The following ESYT1 variants were observed in gnomAD, a reference collection of about 807,000 sequenced individuals.
ESYT1 encodes extended synaptotagmin 1.
In ESYT1, 116 loss-of-function variants were observed where a neutral mutation model predicts 154.2. That is an observed-to-expected ratio of 0.75 (90% CI 0.65 to 0.88). The LOEUF (loss-of-function observed/expected upper bound fraction) is 0.88. ESYT1 is among the 40% of genes least tolerant of loss of function. ESYT1 has a pLI of 0.00. For missense variants in ESYT1, 1,264 were observed against 1,379.3 expected, an observed-to-expected ratio of 0.92 and a Z score of 1.32; for synonymous variants, 500 against 539.9, an observed-to-expected ratio of 0.93 and a Z score of 1.02.
At chr12:56,134,748 A>ATG (rs1261635774) in intron 15 of ESYT1, among the ~76,000 whole-genome samples, 18 of 151,428 alleles carry the variant, frequency 1.2e-4, no homozygotes, top group Non-Finnish European at 1.5e-4. Flanking sequence ...ACAGGCAGGC[A>ATG]CCACCATGCC....
At chr12:56,130,542 G>C (rs369304729) in intron 1 of ESYT1, 40 bp from the exon 2 acceptor site, 30 of 1,612,594 alleles carry the variant, frequency 1.9e-5, no homozygotes, top group Admixed American at 1.0e-4. Context: ...AGAGGCGAGG[G>C]TGTGCTGCAC....
At chr12:56,143,453 T>C (rs1870798056) in intron 29 of ESYT1, 120 bp downstream of exon 29, 1 of 1,491,670 alleles carries the variant, frequency 6.7e-7, no homozygotes, top group East Asian at 2.3e-5. Context: ...ACCTCTGCAA[T>C]GGTTTGGGAC....
At position 56,130,882 on chromosome 12, in the gene ESYT1, A is replaced by G. The variant is rs749000640; in HGVS notation, c.524A>G (p.His175Arg). Residue 175 changes from histidine (H) to arginine (R), a missense_variant, in exon 3 of 31, where the codon CAT becomes CGT. By Grantham distance (29) the His-to-Arg change is conservative. Coordinates refer to ENST00000394048, the MANE Select transcript of ESYT1 (RefSeq NM_015292.3). ...CCGGCTGTTAGGGGATCTAACCCCC[A>G]TCTGCAAACATTTACATTTACACGA... ...VAPAVRGSNP[H>R]LQTFTFTRVE... The G allele has an allele frequency of 3.7e-6, 6 of 1,614,082 alleles. No homozygotes were observed. Among genetic ancestry groups the G allele is most frequent in the South Asian group, 1.1e-5 (1 of 91,092 alleles).
chr12:56,143,738 C>T, intron 30 of ESYT1, 85 bp from the exon 31 acceptor site: 3 of 1,609,266 alleles, frequency 1.9e-6, no homozygotes, highest in Non-Finnish European at 2.6e-6. Context: ...TTGATTCTAT[C>T]AAGTAGAGAA....
At position 56,132,268 on chromosome 12, in the gene ESYT1, G is replaced by T. The variant is rs1409439648; in HGVS notation, c.920G>T (p.Arg307Leu). 6.2e-7 allele frequency: 1 copy of T among 1,613,964 alleles called. No individual in the cohort carries two copies. The highest frequency in any genetic ancestry group is 1.7e-5 in the Admixed American group (1 of 59,992). The change falls in exon 8 of 31, where the codon CGA becomes CTA. Residue 307 changes from arginine (R) to leucine (L), a missense_variant. Coordinates refer to ENST00000394048, the MANE Select transcript of ESYT1 (RefSeq NM_015292.3). Reference sequence around the variant, plus strand: ...GCTGCCTTCCTCGTGTTGCCCAACCGATTACTGGTGCCCCTTGTGCCTGAC... The same window carrying T: ...GCTGCCTTCCTCGTGTTGCCCAACCTATTACTGGTGCCCCTTGTGCCTGAC... Reference protein sequence around the residue: ...SIAAFLVLPNRLLVPLVPDLQ... With the variant: ...SIAAFLVLPNLLLVPLVPDLQ...
chr12:56,130,684 C>T (rs1376709916), intron 2 of ESYT1, 61 bp downstream of exon 2: 9 of 1,613,040 alleles, frequency 5.6e-6, no homozygotes, highest in Non-Finnish European at 7.6e-6. Context: ...TTTCTTCTTG[C>T]CAGACCCATC....
At position 56,128,693 on chromosome 12, in the gene ESYT1, G is replaced by A. The variant is rs746413077; in HGVS notation, c.374G>A (p.Arg125Gln). The A allele has an allele frequency of 2.5e-6, 4 of 1,613,772 alleles. No homozygotes were observed. Among genetic ancestry groups the A allele is most frequent in the Non-Finnish European group, 3.4e-6 (4 of 1,180,022 alleles). ...LTAKTLYMSH[R>Q]ELPAWVSFPD... ...GCGAAAACTCTCTATATGAGTCATC[G>A]AGAGCTACCTGCCTGGGTGAGCGAC... The change falls in exon 1 of 31, where the codon CGA becomes CAA. Residue 125 changes from arginine to glutamine, a missense_variant. Transcript: ENST00000394048.
Position 56,143,827 on chromosome 12 carries a change from G to A in ESYT1, c.3280G>A (p.Asp1094Asn). Reference protein sequence around the residue: ...DLSQGVARWYDLMDNKDKGSS With the variant: ...DLSQGVARWYNLMDNKDKGSS ...ACATGAGCCCTCTTTTCACAGGTATGACCTGATGGACAACAAGGACAAGGG... is the reference window on the plus strand; with the variant it reads ...ACATGAGCCCTCTTTTCACAGGTATAACCTGATGGACAACAAGGACAAGGG... Residue 1094 changes from aspartate to asparagine, a missense_variant, in exon 31 of 31, where the codon GAC (aspartate) becomes AAC (asparagine). Asp to Asn is a conservative substitution (Grantham distance 23). Coordinates refer to ENST00000394048, the MANE Select transcript of ESYT1 (RefSeq NM_015292.3). 6.2e-7 allele frequency: 1 copy of A among 1,614,066 alleles called. No homozygotes were observed. Among genetic ancestry groups the A allele is most frequent in the Non-Finnish European group, 8.5e-7 (1 of 1,179,972 alleles).
At position 56,143,115 on chromosome 12, in the gene ESYT1, A is replaced by G. The variant is rs200621809; in HGVS notation, c.3086A>G (p.Lys1029Arg). ...GGCACCAAGAGGAGGACCTCACAGAAGAAGAGGACCCTGAGTCCTGAATTT... is the reference window on the plus strand; with the variant it reads ...GGCACCAAGAGGAGGACCTCACAGAGGAAGAGGACCCTGAGTCCTGAATTT... ...NRGTKRRTSQ[K>R]KRTLSPEFNE... Residue 1029 changes from lysine to arginine, a missense_variant, in exon 28 of 31, where the codon AAG becomes AGG. Coordinates refer to ENST00000394048, the MANE Select transcript of ESYT1 (RefSeq NM_015292.3). 3.1e-6 allele frequency: 5 copies of G among 1,614,166 alleles called. No homozygotes were observed. The African/African-American group carries it at 4.0e-5, about 13-fold the overall frequency.
chr12:56,133,523 T>G, intron 11 of ESYT1, 58 bp downstream of exon 11: 1 of 1,613,534 alleles, frequency 6.2e-7, no homozygotes, highest in Non-Finnish European at 8.5e-7. Flanking sequence ...AGATAGTAGT[T>G]GCTACATTGG....
chr12:56,141,552 A>C (rs1385256735), intron 24 of ESYT1, among the ~76,000 whole-genome samples: 1 of 152,090 alleles, frequency 6.6e-6, no homozygotes, highest in Non-Finnish European at 1.5e-5. Flanking sequence ...CATCCTGGCT[A>C]ACACGGTGAA....
In ESYT1 at chr12:56,143,710, A is replaced by G. The variant is rs1001905609; in HGVS notation, c.3275+81A>G. ...ATCACAGGAAAGGAAAAAAAGATAC[A>G]ATCTGAGCAGAGAACCATTGATTCT... On this transcript the variant is annotated intron_variant, in intron 30 of 30. Transcript: ENST00000394048. 11 of 1,611,116 alleles carry G rather than the reference A, an allele frequency of 6.8e-6. No individual in the cohort carries two copies. In the Admixed American group the frequency reaches 1.8e-4, roughly 27 times the overall value.
Position 56,142,492 on chromosome 12 carries a change from C to A in ESYT1, c.2733+67C>A. 6.2e-7 allele frequency: 1 copy of A among 1,607,890 alleles called. No individual in the cohort carries two copies. The highest frequency in any genetic ancestry group is 1.7e-5 in the Admixed American group (1 of 59,736). On this transcript the variant is annotated intron_variant, in intron 25 of 30. Coordinates refer to ENST00000394048, the MANE Select transcript of ESYT1 (RefSeq NM_015292.3). This position sits in a 1 kb window ranked among gnomAD's most constrained non-coding sequence, Gnocchi z 4.1. ...GGAGGGCCTTCACAGGTGAGGGACA[C>A]CCAGGAGGGTGGGAACAGAGGGCCG...
chr12:56,136,691 T>A, intron 15 of ESYT1, 53 bp from the exon 16 acceptor site: 1 of 1,498,660 alleles, frequency 6.7e-7, no homozygotes, highest in Non-Finnish European at 9.0e-7. Flanking sequence ...TTTCACAGTA[T>A]GCCTCCCTTT....
intron 7 of ESYT1, 133 bp downstream of exon 7, chr12:56,131,937 C>A: frequency 9.5e-7 from 1 of 1,050,742 alleles, no homozygotes; most frequent in Non-Finnish European, 1.4e-6. Context: ...AAGACAAATA[C>A]CCCTGCAAAG....
rs774943544 is a variant in ESYT1, at chr12:56,142,370, G to A, written c.2678G>A (p.Arg893His). The change falls in exon 25 of 31, where the codon CGC becomes CAC. Residue 893 changes from arginine to histidine, a missense_variant. Transcript: ENST00000394048. This position sits in a 1 kb window ranked among gnomAD's most constrained non-coding sequence, Gnocchi z 4.1. Reference sequence around the variant, plus strand: ...GTGGCTGACCAGCTCTGCTTGGACCGCTGGTTTACACTCAGCAGTGGTCAG... The same window carrying A: ...GTGGCTGACCAGCTCTGCTTGGACCACTGGTTTACACTCAGCAGTGGTCAG... Reference protein sequence around the residue: ...LLVADQLCLDRWFTLSSGQGQ... With the variant: ...LLVADQLCLDHWFTLSSGQGQ... 1.1e-5 allele frequency: 17 copies of A among 1,613,984 alleles called. No individual in the cohort carries two copies. The highest frequency in any genetic ancestry group is 7.7e-5 in the South Asian group (7 of 91,088).
At position 56,138,021 on chromosome 12, in the gene ESYT1, A is replaced by C; in HGVS notation, c.2199-5A>C. On this transcript the variant is annotated splice_region_variant and splice_polypyrimidine_tract_variant and intron_variant, in intron 19 of 30. Coordinates refer to ENST00000394048, the MANE Select transcript of ESYT1 (RefSeq NM_015292.3). ...AGCTTTTGTCTTAATCTTTCTCTTC[A>C]ACAGGTGTAAAGTGCGTCTCACCAC... is the stretch of plus-strand genomic sequence containing the variant. The C allele has an allele frequency of 6.2e-7, 1 of 1,614,090 alleles. No individual in the cohort carries two copies. Among genetic ancestry groups the C allele is most frequent in the Non-Finnish European group, 8.5e-7 (1 of 1,180,006 alleles).
intron 1 of ESYT1, chr12:56,129,520 G>A (rs776763203): frequency 1.3e-5 from 2 of 152,500 alleles, no homozygotes; most frequent in African/African-American, 4.8e-5. Flanking sequence ...CAGCAGAGGT[G>A]CCAGTCTAGG....
rs1237272168 is a variant in ESYT1 at position 56,132,318 on chromosome 12, T to G, written c.970T>G (p.Ser324Ala). The G allele has an allele frequency of 1.9e-6, 3 of 1,614,006 alleles. No individual in the cohort carries two copies. Among genetic ancestry groups the G allele is most frequent in the Non-Finnish European group, 2.5e-6 (3 of 1,180,030 alleles). Residue 324 changes from serine (S) to alanine (A), a missense_variant, in exon 8 of 31, where the codon TCC (serine) becomes GCC (alanine). Coordinates refer to ENST00000394048, the MANE Select transcript of ESYT1 (RefSeq NM_015292.3). Reference protein sequence around the residue: ...PDLQDVAQLRSPLPRGIIRIH... With the variant: ...PDLQDVAQLRAPLPRGIIRIH... ...CCTTCAAGATGTGGCTCAGTTGCGT[T>G]CCCCTCTGCCCAGGGTATGGCCTTT... is the stretch of plus-strand genomic sequence containing the variant.
Sources: gnomAD v4.1 joint callset for allele counts (sites outside exome capture counted in the v4.1 genomes callset) on GRCh38, gnomAD v4.1.1 for gene constraint, Gnocchi (gnomAD v3.1) non-coding constraint, MANE v1.5 for transcripts, NCBI Gene and HGNC (gene_info 2026-07-23, HGNC 2026-07-21) for gene names.